IL23R: variants seen among roughly 807,000 people sequenced by gnomAD.
IL23R encodes interleukin 23 receptor, also known as interleukin-23 receptor.
In IL23R, 34 loss-of-function variants were observed where a neutral mutation model predicts 56.9. That is an observed-to-expected ratio of 0.60 (90% CI 0.45 to 0.80). IL23R has a LOEUF of 0.80. IL23R is among the 30% of genes least tolerant of loss of function. The pLI, the probability that IL23R is intolerant of heterozygous loss-of-function variation, is 0.00. For missense variants in IL23R, 635 were observed against 730.0 expected (o/e 0.87, Z 1.50); for synonymous variants, 230 against 249.2 (o/e 0.92, Z 0.73).
chr1:67,204,022 C>T (rs1181360638), intron 5 of IL23R, among the ~76,000 whole-genome samples: 2 of 152,160 alleles, frequency 1.3e-5, no homozygotes, highest in South Asian at 2.1e-4. Context: ...TATTTCAATA[C>T]GAGTAGAATT....
At chr1:67,216,675 C>CT (rs1288958279) in intron 6 of IL23R, among the ~76,000 whole-genome samples, 4 of 152,148 alleles carry the variant, frequency 2.6e-5, no homozygotes, top group South Asian at 2.1e-4. Context: ...ATGAAATAGT[C>CT]TTTTTTTAAA....
intron 9 of IL23R, among the ~76,000 whole-genome samples, chr1:67,246,482 A>C (rs1652233712): frequency 6.6e-6 from 1 of 152,170 alleles, no homozygotes; most frequent in South Asian, 2.1e-4. Context: ...CACTGCTATA[A>C]ATGTGTCCCA....
downstream of IL23R, among the ~76,000 whole-genome samples, chr1:67,260,729 G>C (rs1421861060): frequency 6.6e-6 from 1 of 152,142 alleles, no homozygotes; most frequent in African/African-American, 2.4e-5. Flanking sequence ...TGAATGATCA[G>C]AACAGTTTAA....
chr1:67,212,701 G>A (rs1649567178), intron 6 of IL23R, among the ~76,000 whole-genome samples: 1 of 151,748 alleles, frequency 6.6e-6, no homozygotes, highest in Admixed American at 6.6e-5. Flanking sequence ...GTGCCACCAT[G>A]CCCAGCTAAA....
At chr1:67,224,588 T>G (rs187145590) in intron 7 of IL23R, among the ~76,000 whole-genome samples, 1 of 152,374 alleles carries the variant, frequency 6.6e-6, no homozygotes, top group African/African-American at 2.4e-5. Flanking sequence ...TCCCTCTGAA[T>G]AGTGCCTGGC....
intron 6 of IL23R, among the ~76,000 whole-genome samples, chr1:67,216,722 A>G (rs989212372): frequency 6.6e-6 from 1 of 152,190 alleles, no homozygotes; most frequent in Non-Finnish European, 1.5e-5. Flanking sequence ...TGAGAAAACC[A>G]TTCTTAACTT....
chr1:67,207,170 G>A (rs774474563), intron 6 of IL23R, 115 bp downstream of exon 6: 4 of 1,152,570 alleles, frequency 3.5e-6, no homozygotes, highest in South Asian at 1.3e-5. Context: ...CTGATTGTTT[G>A]CATGATATTC....
chr1:67,201,169 C>G lies in IL23R; in HGVS notation c.652+272C>G, dbSNP rs142007179. 9.4e-3 allele frequency among the ~76,000 whole-genome samples: 1,432 copies of G among 151,796 alleles called. 12 individuals are homozygous for G. The highest frequency in any genetic ancestry group is 0.015 in the Non-Finnish European group (996 of 67,958). On this transcript the variant is annotated intron_variant, in intron 5 of 10. Transcript: ENST00000347310. ...CTGTAATCCCAGCATTTTGGGAGGT[C>G]GAGGTGGGCGATCACTTGAGGTCAG...
intron 8 of IL23R, among the ~76,000 whole-genome samples, chr1:67,237,719 A>T (rs1257658574): frequency 3.3e-5 from 5 of 152,218 alleles, no homozygotes; most frequent in Non-Finnish European, 7.3e-5. Context: ...CAATGGGTGA[A>T]CATAACTCTA....
chr1:67,201,025 AC>A, intron 5 of IL23R, 128 bp downstream of exon 5: 1 of 930,778 alleles, frequency 1.1e-6, no homozygotes, highest in Non-Finnish European at 1.6e-6. Context: ...AACAGAAATT[AC>A]CCATAATTCT....
intron 8 of IL23R, among the ~76,000 whole-genome samples, chr1:67,239,857 C>A (rs1000260473): frequency 1.3e-5 from 2 of 152,166 alleles, no homozygotes; most frequent in African/African-American, 4.8e-5. Flanking sequence ...CTGTGTCAGA[C>A]AAGCCAAATG....
At chr1:67,192,219 G>A (rs758405828) in intron 4 of IL23R, among the ~76,000 whole-genome samples, 5 of 152,118 alleles carry the variant, frequency 3.3e-5, no homozygotes, top group Admixed American at 6.6e-5. Context: ...CTGGGTAAGC[G>A]GTCTTCCAAA....
chr1:67,263,221 G>A (rs1380218100), downstream of IL23R, among the ~76,000 whole-genome samples: 2 of 148,828 alleles, frequency 1.3e-5, no homozygotes, highest in East Asian at 4.0e-4. Flanking sequence ...AGCCTCCTGA[G>A]TAGCAAGTGC....
intron 5 of IL23R, among the ~76,000 whole-genome samples, chr1:67,205,748 G>A (rs74606018): frequency 0.021 from 3,252 of 152,074 alleles, 41 homozygotes; most frequent in South Asian, 0.039. Flanking sequence ...AAAATTTCAA[G>A]GAAGGACAGA....
intron 6 of IL23R, chr1:67,207,636 C>T (rs954097208): frequency 1.2e-5 from 5 of 403,566 alleles, no homozygotes; most frequent in African/African-American, 1.1e-4. Context: ...CTTGCCACCA[C>T]TAAGTAAGAA....
rs149057711 is a variant in IL23R at position 67,215,185 on chromosome 1, C to T, written c.799-4389C>T. Among the ~76,000 whole-genome samples the T allele has an allele frequency of 3.1e-3, 479 of 152,288 alleles. 2 individuals are homozygous for T. The highest frequency in any genetic ancestry group is 0.011 in the African/African-American group (448 of 41,546). ...GAATAAAGCCCTTCCTTCTATAACT[C>T]GGTGTCTGAGAGGTTTTGTCTGCGG... On this transcript the variant is annotated intron_variant, in intron 6 of 10. Coordinates refer to ENST00000347310, the MANE Select transcript of IL23R (RefSeq NM_144701.3).
At chr1:67,142,945 C>T (rs1646651328) in intron 1 of IL23R, among the ~76,000 whole-genome samples, 1 of 152,058 alleles carries the variant, frequency 6.6e-6, no homozygotes, top group Admixed American at 6.6e-5. Flanking sequence ...CTTAATCTTC[C>T]CTATAGGTTT....
At chr1:67,236,689 G>T in intron 7 of IL23R, 24 bp from the exon 8 acceptor site, 1 of 1,508,390 alleles carries the variant, frequency 6.6e-7, no homozygotes, top group South Asian at 1.1e-5. Flanking sequence ...GTAAGAAACT[G>T]ACACTCTTTC....
chr1:67,168,318 TG>T (rs533792856), intron 2 of IL23R, 128 bp downstream of exon 2: 4 of 781,452 alleles, frequency 5.1e-6, no homozygotes, highest in Non-Finnish European at 8.9e-6. Flanking sequence ...AAAAAATGTG[TG>T]CATAAAAATT....
Sources: gnomAD v4.1 joint callset for allele counts (sites outside exome capture counted in the v4.1 genomes callset) on GRCh38, gnomAD v4.1.1 for gene constraint, MANE v1.5 for transcripts, NCBI Gene and HGNC (gene_info 2026-07-23, HGNC 2026-07-21) for gene names.